Variants in HVCN1 observed in about 807,000 individuals in gnomAD.
The protein encoded by HVCN1 is voltage-gated hydrogen channel 1.
Under a neutral mutation model 29.2 loss-of-function variants are expected in HVCN1, and 14 were observed. The observed-to-expected ratio is 0.48, with a 90% CI of 0.32 to 0.75. HVCN1 has a LOEUF of 0.75. Ranked by LOEUF, HVCN1 falls within the 30% of genes least tolerant of loss-of-function variation. The pLI is 0.04. For missense variants in HVCN1, 263 were observed against 341.8 expected (o/e 0.77, Z 1.82); for synonymous variants, 131 against 133.2 (o/e 0.98, Z 0.11).
chr12:110,699,935 C>A (rs1057061545), intron 2 of HVCN1, among the ~76,000 whole-genome samples: 1 of 151,896 alleles, frequency 6.6e-6, no homozygotes, highest in Non-Finnish European at 1.5e-5. Flanking sequence ...GCAGGGACCC[C>A]CCGCTCTGCC....
intron 4 of HVCN1, 56 bp from the exon 5 acceptor site, chr12:110,655,394 C>T (rs534635079): frequency 2.2e-6 from 3 of 1,334,186 alleles, no homozygotes; most frequent in South Asian, 2.4e-5. Context: ...GGCCCTCCCT[C>T]TCCCATCATT....
At position 110,656,292 on chromosome 12, in the gene HVCN1, A is replaced by G. The variant is rs373680221; in HGVS notation, c.307-954T>C. On this transcript the variant is annotated intron_variant, in intron 4 of 7. Transcript: ENST00000242607. ...TCCTGGAGAATTCAGGAGAGCTGCTATGGGAAACACAGCCTCCTGGGCTTT... is the reference window on the plus strand; with the variant it reads ...TCCTGGAGAATTCAGGAGAGCTGCTGTGGGAAACACAGCCTCCTGGGCTTT... Among the ~76,000 whole-genome samples the G allele has an allele frequency of 8.5e-5, 13 of 152,194 alleles. No homozygotes were observed. The East Asian group carries it at 1.5e-3, about 18-fold the overall frequency.
chr12:110,649,016 A>G lies in HVCN1; in HGVS notation c.*394T>C, dbSNP rs1593416525. On this transcript the variant is annotated 3_prime_UTR_variant, in exon 8 of 8. Transcript: ENST00000242607. ...ACTTTTCTAGAATGGGGTGGCAGCTAAAGTAGCTTCTTTTTCTTTCTTTCA... is the reference window on the plus strand; with the variant it reads ...ACTTTTCTAGAATGGGGTGGCAGCTGAAGTAGCTTCTTTTTCTTTCTTTCA... 1 of 472,810 alleles carries G rather than the reference A, an allele frequency of 2.1e-6. No homozygotes were observed. Among genetic ancestry groups the G allele is most frequent in the East Asian group, 6.2e-5 (1 of 16,034 alleles). The allele number at this position is 472,810 out of a possible 1,614,324, so 29.3% of individuals were successfully genotyped here.
chr12:110,653,584 G>A (rs2067885861), intron 5 of HVCN1, among the ~76,000 whole-genome samples: 1 of 152,152 alleles, frequency 6.6e-6, no homozygotes, highest in Non-Finnish European at 1.5e-5. Context: ...GCTCTTGCCT[G>A]TAATCCCAGC....
intron 2 of HVCN1, among the ~76,000 whole-genome samples, chr12:110,697,108 G>C (rs1354122180): frequency 6.6e-6 from 1 of 152,052 alleles, no homozygotes; most frequent in Non-Finnish European, 1.5e-5. Context: ...AGAAGCCTGG[G>C]AGGGGGCCAG....
intron 7 of HVCN1, 56 bp from the exon 8 acceptor site, chr12:110,649,531 ACAAT>A: frequency 3.1e-6 from 4 of 1,300,416 alleles, no homozygotes; most frequent in South Asian, 2.5e-5. Flanking sequence ...CAGGGATGTG[ACAAT>A]CAATCATTCA....
chr12:110,654,486 T>TC (rs2067920114), intron 5 of HVCN1, among the ~76,000 whole-genome samples: 1 of 150,320 alleles, frequency 6.7e-6, no homozygotes, highest in African/African-American at 2.4e-5. Context: ...TTTTTTTTTT[T>TC]TTTTTCCTGG....
chr12:110,694,785 A>G lies in HVCN1; in HGVS notation c.-103-6077T>C, dbSNP rs186251916. ...AAGGCCTGGGCACCGATGCCTGATG[A>G]CGCAGCTATGTGAAAAGGGCACGGT... is the stretch of plus-strand genomic sequence containing the variant. On this transcript the variant is annotated intron_variant, in intron 2 of 4. Transcript: ENST00000546713. The surrounding 1 kb of genome is among the most constrained non-coding windows in gnomAD (Gnocchi z 4.6). Among the ~76,000 whole-genome samples, 223 of 152,310 alleles carry G rather than the reference A, an allele frequency of 1.5e-3. No homozygotes were observed. The highest frequency in any genetic ancestry group is 5.1e-3 in the African/African-American group (213 of 41,560).
At chr12:110,653,559 G>T (rs531200367) in intron 5 of HVCN1, among the ~76,000 whole-genome samples, 1 of 151,718 alleles carries the variant, frequency 6.6e-6, no homozygotes, top group African/African-American at 2.4e-5. Flanking sequence ...AGACATTCTT[G>T]GGCTGGACAC....
chr12:110,695,326 GTATAAT>G (rs1446132261), intron 2 of HVCN1, among the ~76,000 whole-genome samples: 1 of 149,128 alleles, frequency 6.7e-6, no homozygotes, highest in African/African-American at 2.5e-5. Context: ...AATTATAATT[GTATAAT>G]TATAATTGTA....
rs920878946 is a variant in HVCN1 at position 110,661,301 on chromosome 12, G to A, written c.169C>T (p.Pro57Ser). ...NEEEEEEEEQ[P>S]PPTPVSGEEG... is the part of the protein sequence containing the mutation. Reference sequence around the variant, plus strand: ...TCGCCTGAGACTGGTGTGGGTGGTGGCTGCTCCTCCTCCTCCTCCTCCTCT... The same window carrying A: ...TCGCCTGAGACTGGTGTGGGTGGTGACTGCTCCTCCTCCTCCTCCTCCTCT... The change falls in exon 4 of 8, where the codon CCA (proline) becomes TCA (serine). Residue 57 changes from proline to serine, a missense_variant. Physicochemically the swap from Pro to Ser is moderately conservative, Grantham distance 74 (BLOSUM62 -1). Coordinates refer to ENST00000242607, the MANE Select transcript of HVCN1 (RefSeq NM_032369.4). The surrounding 1 kb of genome is among the most constrained non-coding windows in gnomAD (Gnocchi z 6.2). 2 of 1,614,068 alleles carry A rather than the reference G, an allele frequency of 1.2e-6. No homozygotes were observed. The highest frequency in any genetic ancestry group is 1.7e-6 in the Non-Finnish European group (2 of 1,180,038).
chr12:110,661,456 G>A lies in HVCN1; in HGVS notation c.22-8C>T. ...GGCCCTGCGGGTGACTGCCTAGAAG[G>A]CGGGGACAGAGAGCAAGAGCTTCAG... On this transcript the variant is annotated splice_region_variant and splice_polypyrimidine_tract_variant and intron_variant, in intron 3 of 7. Coordinates refer to ENST00000242607, the MANE Select transcript of HVCN1 (RefSeq NM_032369.4). The surrounding 1 kb of genome is among the most constrained non-coding windows in gnomAD (Gnocchi z 6.2). The A allele has an allele frequency of 6.2e-7, 1 of 1,612,790 alleles. No individual in the cohort carries two copies. The highest frequency in any genetic ancestry group is 8.5e-7 in the Non-Finnish European group (1 of 1,178,972).
At chr12:110,695,281 TACACAC>T (rs760184973) in intron 2 of HVCN1, among the ~76,000 whole-genome samples, 2 of 151,590 alleles carry the variant, frequency 1.3e-5, no homozygotes, top group Non-Finnish European at 2.9e-5. Context: ...CACATATATA[TACACAC>T]ACACACACTT....
intron 2 of HVCN1, chr12:110,688,223 C>CTT (rs1178728644): frequency 6.6e-6 from 1 of 152,280 alleles, no homozygotes; most frequent in Non-Finnish European, 1.5e-5. Context: ...TAGGTACATG[C>CTT]TTAACCTCAT....
intron 3 of HVCN1, among the ~76,000 whole-genome samples, chr12:110,675,230 T>C (rs1229824086): frequency 1.3e-5 from 2 of 152,014 alleles, no homozygotes; most frequent in Non-Finnish European, 2.9e-5. Context: ...AGGCCAAGGC[T>C]GGTGGATCAC....
chr12:110,697,871 C>T (rs897407155), intron 2 of HVCN1, among the ~76,000 whole-genome samples: 4 of 152,178 alleles, frequency 2.6e-5, no homozygotes, highest in African/African-American at 7.2e-5. Context: ...AGACTGGTCT[C>T]GAACTCCTGA....
At chr12:110,698,539 A>T (rs1484067729) in intron 2 of HVCN1, among the ~76,000 whole-genome samples, 1 of 151,320 alleles carries the variant, frequency 6.6e-6, no homozygotes, top group Non-Finnish European at 1.5e-5. Context: ...AGGTGGGAGG[A>T]CTCCTGGCTT....
rs143234895 is a variant in HVCN1 at position 110,668,395 on chromosome 12, C to T, written c.22-6947G>A. ...TGGTGGGCACTTGTAATCCCAGCTA[C>T]TTGGGAGGCTGAGGCATGAAAATTG... On this transcript the variant is annotated intron_variant, in intron 3 of 7. Transcript: ENST00000242607. 5.8e-3 allele frequency among the ~76,000 whole-genome samples: 890 copies of T among 152,258 alleles called. 3 individuals carry two copies. The highest frequency in any genetic ancestry group is 0.021 in the African/African-American group (853 of 41,536).
At chr12:110,692,867 C>CTTTG (rs941348158), upstream of HVCN1, among the ~76,000 whole-genome samples, 4 of 152,018 alleles carry the variant, frequency 2.6e-5, no homozygotes, top group Non-Finnish European at 5.9e-5. Flanking sequence ...CGTATTATTA[C>CTTTG]TTTGTTTGTT....
Sources: allele counts gnomAD v4.1 joint callset (sites outside exome capture counted in the v4.1 genomes callset), GRCh38; gene constraint gnomAD v4.1.1; non-coding constraint Gnocchi (gnomAD v3.1); transcripts MANE v1.5; gene names NCBI Gene and HGNC (gene_info 2026-07-23, HGNC 2026-07-21).